CDH18: variants seen among roughly 807,000 people sequenced by gnomAD.
The protein encoded by CDH18 is cadherin 18.
CDH18 carries 31 observed loss-of-function variants against 67.9 expected under a neutral mutation model. The ratio of observed to expected loss-of-function variants is 0.46; its 90% CI spans 0.34 to 0.62. The LOEUF is 0.62. Among genes scored for constraint, CDH18 ranks in the 20% least tolerant of loss-of-function variants. The pLI is 0.01. For synonymous variants in CDH18, 362 were observed against 347.2 expected, an observed-to-expected ratio of 1.04 and a Z score of -0.48; for missense variants, 890 against 975.5, an observed-to-expected ratio of 0.91 and a Z score of 1.17.
intron 2 of CDH18, among the ~76,000 whole-genome samples, chr5:20,056,401 T>G (rs1054538906): frequency 9.6e-5 from 14 of 146,372 alleles, no homozygotes; most frequent in African/African-American, 2.0e-4. Flanking sequence ...TGTTTGTTTG[T>G]TTGTTTTTTA....
At chr5:20,539,607 AT>A (rs980172654) in intron 1 of CDH18, among the ~76,000 whole-genome samples, 1 of 152,076 alleles carries the variant, frequency 6.6e-6, no homozygotes. Flanking sequence ...GTAGAAGTAC[AT>A]TTTTTTAAAA....
At chr5:19,574,004 T>C (rs1741887415) in intron 7 of CDH18, among the ~76,000 whole-genome samples, 1 of 152,224 alleles carries the variant, frequency 6.6e-6, no homozygotes. Flanking sequence ...AACATTTCTT[T>C]CTCACAATAA....
Position 20,241,229 on chromosome 5 carries a change from G to A in CDH18, c.-518+14215C>T, listed in dbSNP as rs556187446. 7.7e-4 allele frequency among the ~76,000 whole-genome samples: 117 copies of A among 152,190 alleles called. 1 individual carries two copies. Among genetic ancestry groups the A allele is most frequent in the African/African-American group, 2.8e-3 (115 of 41,552 alleles). ...TCAAAACAACTTTTTTTATAAATAG[G>A]TGAGACTAGGCATAATTTTCTTAAC... On this transcript the variant is annotated intron_variant, in intron 2 of 14. Transcript: ENST00000507958.
chr5:20,513,826 C>T lies in CDH18; in HGVS notation c.-580+61636G>A, dbSNP rs966661504. Among the ~76,000 whole-genome samples, 9 of 152,096 alleles carry T rather than the reference C, an allele frequency of 5.9e-5. No individual in the cohort carries two copies. The East Asian group carries it at 1.2e-3, about 20-fold the overall frequency. ...TCTTTTAAAAGCTTGCACAGCAAAT[C>T]GCATGACCATTTCTATCTCTTAATA... is the stretch of plus-strand genomic sequence containing the variant. On this transcript the variant is annotated intron_variant, in intron 1 of 14. Transcript: ENST00000507958.
intron 2 of CDH18, among the ~76,000 whole-genome samples, chr5:19,869,906 A>G (rs950069390): frequency 6.6e-6 from 1 of 152,170 alleles, no homozygotes; most frequent in African/African-American, 2.4e-5. Context: ...AACAACTAAC[A>G]TATCAACATT....
At chr5:19,666,240 A>T (rs757238671) in intron 5 of CDH18, among the ~76,000 whole-genome samples, 65 of 60,200 alleles carry the variant, frequency 1.1e-3, no homozygotes, top group African/African-American at 6.5e-3. Context: ...TATGATTTTT[A>T]TTATTATTAT....
At chr5:19,599,298 A>G (rs1746683491) in intron 6 of CDH18, among the ~76,000 whole-genome samples, 2 of 152,262 alleles carry the variant, frequency 1.3e-5, no homozygotes, top group Middle Eastern at 6.8e-3. Flanking sequence ...ATTGATGTAA[A>G]CAATATCTGT....
rs537014704 is a variant in CDH18, at chr5:19,826,372, G to A, written c.228+12387C>T. Among the ~76,000 whole-genome samples the A allele has an allele frequency of 3.9e-5, 6 of 152,038 alleles. No individual in the cohort carries two copies. In the South Asian group the frequency reaches 8.3e-4, roughly 21 times the overall value. The stretch of plus-strand genomic sequence containing the variant: ...AGGCCAACACTCAAATCCAAGAAAG[G>A]CAGAGAATCCCTGTGAGGTACTATA... On this transcript the variant is annotated intron_variant, in intron 3 of 12. Transcript: ENST00000382275.
intron 6 of CDH18, among the ~76,000 whole-genome samples, chr5:19,599,082 G>A (rs1746640228): frequency 6.6e-6 from 1 of 151,980 alleles, no homozygotes; most frequent in Non-Finnish European, 1.5e-5. Context: ...TGTGATTGTA[G>A]TGATATCATA....
intron 2 of CDH18, among the ~76,000 whole-genome samples, chr5:19,887,236 G>A (rs962464798): frequency 5.3e-5 from 8 of 150,800 alleles, no homozygotes; most frequent in African/African-American, 2.4e-5. Context: ...ACGTAACAGC[G>A]CATACTCACT....
intron 11 of CDH18, among the ~76,000 whole-genome samples, chr5:19,494,824 T>C (rs1457590828): frequency 6.6e-6 from 1 of 152,206 alleles, no homozygotes; most frequent in East Asian, 1.9e-4. Flanking sequence ...AGGTGACTTT[T>C]GGGATCCATC....
At chr5:20,452,194 ATC>A (rs929000147) in intron 1 of CDH18, among the ~76,000 whole-genome samples, 3 of 152,196 alleles carry the variant, frequency 2.0e-5, no homozygotes, top group African/African-American at 7.2e-5. Flanking sequence ...CAAAATATAA[ATC>A]TGTTTCCAAA....
chr5:20,536,450 T>C lies in CDH18; in HGVS notation c.-580+39012A>G, dbSNP rs150744905. On this transcript the variant is annotated intron_variant, in intron 1 of 14. Coordinates refer to the CDH18 transcript ENST00000507958. ...CCATTACTGTTTGAAGTAAAGGCAA[T>C]GTTTGCTCAAATAATGGATTTGCAC... Among the ~76,000 whole-genome samples the C allele has an allele frequency of 3.7e-3, 562 of 152,288 alleles. 8 individuals carry two copies. The highest frequency in any genetic ancestry group is 0.013 in the African/African-American group (538 of 41,584).
At chr5:20,223,443 A>G (rs1741382776) in intron 2 of CDH18, among the ~76,000 whole-genome samples, 1 of 152,168 alleles carries the variant, frequency 6.6e-6, no homozygotes, top group African/African-American at 2.4e-5. Flanking sequence ...GCCTTGTCTC[A>G]GATGAGACTT....
chr5:19,587,566 GT>G (rs1448001570), intron 7 of CDH18, among the ~76,000 whole-genome samples: 1 of 151,772 alleles, frequency 6.6e-6, no homozygotes, highest in Admixed American at 6.6e-5. Flanking sequence ...TCCATTGCTT[GT>G]TTTTGTCAGG....
intron 9 of CDH18, among the ~76,000 whole-genome samples, chr5:19,541,778 G>A (rs1162738003): frequency 6.6e-6 from 1 of 152,088 alleles, no homozygotes; most frequent in East Asian, 1.9e-4. Context: ...GATGACAGGT[G>A]GGAATTATGC....
intron 4 of CDH18, among the ~76,000 whole-genome samples, chr5:19,724,199 G>A (rs1315437378): frequency 6.6e-6 from 1 of 151,986 alleles, no homozygotes; most frequent in Non-Finnish European, 1.5e-5. Flanking sequence ...AATAGACTAT[G>A]GGTACATGCA....
rs2150026414 is a variant in CDH18 at position 19,839,175 on chromosome 5, A to C, written c.-189T>G. ...CATATTTACATTCTGAACCACTTGG[A>C]AAATCAAAGCCGTAGTTGTCTGATT... On this transcript the variant is annotated 5_prime_UTR_variant, in exon 3 of 13. Coordinates refer to ENST00000382275, the MANE Select transcript of CDH18 (RefSeq NM_004934.5). 1.8e-6 allele frequency: 1 copy of C among 552,040 alleles called. No homozygotes were observed. Among genetic ancestry groups the C allele is most frequent in the South Asian group, 2.5e-5 (1 of 40,322 alleles). The allele number at this position is 552,040 out of a possible 1,614,324, so 34.2% of individuals were successfully genotyped here.
At chr5:20,366,440 T>C (rs1742524249) in intron 1 of CDH18, among the ~76,000 whole-genome samples, 1 of 152,196 alleles carries the variant, frequency 6.6e-6, no homozygotes, top group South Asian at 2.1e-4. Context: ...TTTTAACCAA[T>C]TTCTCCATAG....
Sources: allele counts gnomAD v4.1 joint callset (sites outside exome capture counted in the v4.1 genomes callset), GRCh38; gene constraint gnomAD v4.1.1; transcripts MANE v1.5; gene names NCBI Gene and HGNC (gene_info 2026-07-23, HGNC 2026-07-21).